The following PSD2 variants were observed in gnomAD, a reference collection of about 807,000 sequenced individuals.
The protein encoded by PSD2 is pleckstrin and Sec7 domain containing 2.
A neutral mutation model predicts 69.8 loss-of-function variants in PSD2; 38 were observed. That is an observed-to-expected ratio of 0.54 (90% CI 0.42 to 0.71). The LOEUF is 0.71. Among genes scored for constraint, PSD2 ranks in the 30% least tolerant of loss-of-function variants. The pLI is 0.00. For synonymous variants in PSD2, 412 were observed against 423.0 expected (o/e 0.97, Z 0.32); for missense variants, 943 against 1,014.5 (o/e 0.93, Z 0.96).
Position 139,813,196 on chromosome 5 carries a change from G to A in PSD2, c.372-113G>A, listed in dbSNP as rs942767379. On this transcript the variant is annotated intron_variant, in intron 2 of 14. Coordinates refer to ENST00000274710, the MANE Select transcript of PSD2 (RefSeq NM_032289.4). Reference sequence around the variant, plus strand: ...ATTGGCTGAAGGGATAAGTGAATAGGATGGGGGAGTGGTGTGCCCCCAGGG... The same window carrying A: ...ATTGGCTGAAGGGATAAGTGAATAGAATGGGGGAGTGGTGTGCCCCCAGGG... The A allele has an allele frequency of 2.3e-5, 18 of 788,850 alleles. No homozygotes were observed. In the African/African-American group the frequency reaches 3.1e-4, roughly 14 times the overall value. 48.9% of individuals were successfully genotyped at this position (788,850 alleles called of 1,614,324 possible).
the PSD2 span, among the ~76,000 whole-genome samples, chr5:139,787,657 C>T: frequency 6.6e-6 from 1 of 152,344 alleles, no homozygotes; most frequent in African/African-American, 2.4e-5. Context: ...CAAAAGAGCC[C>T]CCGTCGCTGG....
At chr5:139,775,180 C>T in the PSD2 span, 1 of 152,368 alleles carries the variant, frequency 6.6e-6, no homozygotes, top group South Asian at 2.1e-4. Flanking sequence ...GGCCTTGAGG[C>T]ACTGAGGTCA....
intron 1 of PSD2, among the ~76,000 whole-genome samples, chr5:139,803,600 T>C (rs1759725319): frequency 6.6e-6 from 1 of 152,202 alleles, no homozygotes; most frequent in South Asian, 2.1e-4. Context: ...GAGCTTGGAT[T>C]TGGAGCCAGG....
chr5:139,820,222 G>A (rs1760223287), intron 5 of PSD2, among the ~76,000 whole-genome samples: 1 of 152,152 alleles, frequency 6.6e-6, no homozygotes. Flanking sequence ...CCAGGGAAGG[G>A]GAGTTTGGGC....
chr5:139,784,500 A>C, the PSD2 span, among the ~76,000 whole-genome samples: 4 of 152,162 alleles, frequency 2.6e-5, no homozygotes, highest in Non-Finnish European at 5.9e-5. Flanking sequence ...AGTCAGATCA[A>C]ATCAATTCTC....
chr5:139,802,711 G>C (rs747930465), intron 1 of PSD2, among the ~76,000 whole-genome samples: 2 of 152,162 alleles, frequency 1.3e-5, no homozygotes, highest in African/African-American at 4.8e-5. Flanking sequence ...TTTGACAGCA[G>C]ACTTTGTGGA....
chr5:139,801,204 C>CAA (rs56715764), intron 1 of PSD2, among the ~76,000 whole-genome samples: 3 of 127,116 alleles, frequency 2.4e-5, no homozygotes, highest in East Asian at 2.3e-4. Flanking sequence ...GACTCCATCT[C>CAA]AAAAAAAAAA....
chr5:139,829,365 A>G (rs1760510717), intron 7 of PSD2, among the ~76,000 whole-genome samples: 1 of 152,226 alleles, frequency 6.6e-6, no homozygotes, highest in African/African-American at 2.4e-5. Flanking sequence ...CATTTTAACT[A>G]TTTTAAAGCT....
the PSD2 span, among the ~76,000 whole-genome samples, chr5:139,756,393 G>C: frequency 6.6e-6 from 1 of 152,224 alleles, no homozygotes; most frequent in African/African-American, 2.4e-5. Context: ...CCGGGGTCGG[G>C]GCACCCACCA....
Position 139,837,666 on chromosome 5 carries a change from G to A in PSD2, c.1707G>A (p.Leu569=). ...ACAAAGCTCTATCGGAGGGTGACCT[G>A]AAGAACGCCATTCGCGTGCATCACG... The part of the protein sequence containing the change: ...RPDKALSEGD[L]KNAIRVHHAL... The change falls in exon 12 of 15, where the codon CTG becomes CTA. Residue 569 remains leucine, a synonymous_variant. Transcript: ENST00000274710. This position sits in a 1 kb window ranked among gnomAD's most constrained non-coding sequence, Gnocchi z 5.0. 6.2e-7 allele frequency: 1 copy of A among 1,613,932 alleles called. No individual in the cohort carries two copies. Among genetic ancestry groups the A allele is most frequent in the South Asian group, 1.1e-5 (1 of 91,068 alleles).
chr5:139,818,807 A>G (rs1419822399), intron 5 of PSD2, among the ~76,000 whole-genome samples: 2 of 152,252 alleles, frequency 1.3e-5, no homozygotes, highest in Non-Finnish European at 2.9e-5. Context: ...AACCATAGGC[A>G]TAAATGGGTT....
At chr5:139,842,225 T>C in intron 14 of PSD2, 46 bp from the exon 15 acceptor site, 1 of 1,543,100 alleles carries the variant, frequency 6.5e-7, no homozygotes, top group Non-Finnish European at 9.0e-7. Context: ...CACATACTTT[T>C]TTCCTATTTT....
At chr5:139,761,074 T>C in the PSD2 span, among the ~76,000 whole-genome samples, 20 of 152,076 alleles carry the variant, frequency 1.3e-4, no homozygotes, top group African/African-American at 4.6e-4. Context: ...TCAGGGAAGA[T>C]GTGTGAGAGA....
chr5:139,788,619 C>T, the PSD2 span, among the ~76,000 whole-genome samples: 1 of 152,204 alleles, frequency 6.6e-6, no homozygotes, highest in African/African-American at 2.4e-5. Flanking sequence ...CATACCACCC[C>T]GGCCAGTTCC....
At chr5:139,792,555 C>G (rs1759432032), upstream of PSD2, among the ~76,000 whole-genome samples, 1 of 152,002 alleles carries the variant, frequency 6.6e-6, no homozygotes, top group African/African-American at 2.4e-5. Context: ...TATGAGACCC[C>G]CTCAGGTGAG....
chr5:139,809,946 C>A, intron 2 of PSD2, 135 bp downstream of exon 2: 1 of 969,910 alleles, frequency 1.0e-6, no homozygotes, highest in Non-Finnish European at 1.5e-6. Context: ...CCCTCTTTTG[C>A]CCAGATTCTG....
chr5:139,766,828 C>CTTCTCTCTCTCTCTTTCTTTCT, the PSD2 span, among the ~76,000 whole-genome samples: 1 of 87,736 alleles, frequency 1.1e-5, no homozygotes, highest in Non-Finnish European at 2.6e-5. Context: ...AAGTCCCTTC[C>CTTCTCTCTCTCTCTTTCTTTCT]TTCTTTCTTT....
chr5:139,774,112 G>A, the PSD2 span, among the ~76,000 whole-genome samples: 2 of 151,538 alleles, frequency 1.3e-5, no homozygotes, highest in South Asian at 2.1e-4. Context: ...GGCGTGAGCC[G>A]CAGCACTCGG....
rs537613094 is a variant in PSD2, at chr5:139,823,820, T to C, written c.1269+1036T>C. ...TGTGAAAATCGAACCAAGGGCAAGC[T>C]GGAAGACCCAGCCTGCAGGCCCCTG... On this transcript the variant is annotated intron_variant, in intron 7 of 14. Transcript: ENST00000274710. 2.9e-4 allele frequency among the ~76,000 whole-genome samples: 44 copies of C among 152,326 alleles called. No homozygotes were observed. In the East Asian group the frequency reaches 8.1e-3, roughly 28 times the overall value.
Sources: allele counts gnomAD v4.1 joint callset (sites outside exome capture counted in the v4.1 genomes callset), GRCh38; gene constraint gnomAD v4.1.1; non-coding constraint Gnocchi (gnomAD v3.1); transcripts MANE v1.5; gene names NCBI Gene and HGNC (gene_info 2026-07-23, HGNC 2026-07-21).